Variants in PARVB observed in about 807,000 individuals in gnomAD.
PARVB encodes parvin beta, also known as beta-parvin.
Under a neutral mutation model 47.0 loss-of-function variants are expected in PARVB, and 46 were observed. The ratio of observed to expected loss-of-function variants is 0.98; its 90% CI spans 0.77 to 1.25. PARVB has a LOEUF of 1.25. PARVB is among the 50% of genes most tolerant of loss of function. PARVB has a pLI of 0.00. For missense variants in PARVB, 473 were observed against 471.6 expected, an observed-to-expected ratio of 1.00 and a Z score of -0.03; for synonymous variants, 196 against 196.3, an observed-to-expected ratio of 1.00 and a Z score of 0.01.
chr22:44,074,359 CT>C (rs1311255086), intron 1 of PARVB, among the ~76,000 whole-genome samples: 1 of 152,240 alleles, frequency 6.6e-6, no homozygotes, highest in Non-Finnish European at 1.5e-5. Flanking sequence ...CTAGTGGCGC[CT>C]CCTGGCAGCA....
chr22:44,128,688 C>T (rs1417809749), intron 4 of PARVB, among the ~76,000 whole-genome samples: 3 of 152,230 alleles, frequency 2.0e-5, no homozygotes, highest in African/African-American at 7.2e-5. Flanking sequence ...ATGAGAGCCT[C>T]GCCCACTAGG....
At chr22:44,163,435 G>A (rs971882204) in intron 11 of PARVB, among the ~76,000 whole-genome samples, 6 of 152,176 alleles carry the variant, frequency 3.9e-5, no homozygotes, top group African/African-American at 9.7e-5. Flanking sequence ...CTGAGATCTC[G>A]CCACTGTGCA....
intron 2 of PARVB, among the ~76,000 whole-genome samples, chr22:43,999,849 A>AAC (rs1569041517): frequency 2.6e-4 from 38 of 145,870 alleles, no homozygotes; most frequent in South Asian, 2.3e-3. Flanking sequence ...AAAAAAAAAA[A>AAC]AAAAAAAAAC....
chr22:44,055,852 T>C (rs1285325142), intron 1 of PARVB, among the ~76,000 whole-genome samples: 1 of 152,138 alleles, frequency 6.6e-6, no homozygotes, highest in African/African-American at 2.4e-5. Flanking sequence ...TGCCTTTCGG[T>C]CTATTCAGGT....
Position 44,136,321 on chromosome 22 carries a change from C to T in PARVB, c.634-139C>T, listed in dbSNP as rs2053439850. 25 of 757,454 alleles carry T rather than the reference C, an allele frequency of 3.3e-5. 1 individual carries two copies. Among genetic ancestry groups the T allele is most frequent in the South Asian group, 3.3e-4 (21 of 63,876 alleles). The allele number at this position is 757,454 out of a possible 1,614,324, so 46.9% of individuals were successfully genotyped here. A position where few individuals can be genotyped will look rare whatever the true frequency, so the allele number is the denominator to read the frequency against. On this transcript the variant is annotated intron_variant, in intron 6 of 12. Transcript: ENST00000338758. ...TGTGTACTCACCCAGGCCTGGCATG[C>T]GTGTTCAACACCACCCCTCCTTCTC...
chr22:44,109,100 T>G (rs2147091792), intron 3 of PARVB: 1 of 152,298 alleles, frequency 6.6e-6, no homozygotes, highest in South Asian at 2.1e-4. Flanking sequence ...CCTTTGTCTC[T>G]CCGAAGAAAA....
chr22:44,083,441 C>CA (rs1263395318), intron 1 of PARVB, among the ~76,000 whole-genome samples: 1 of 152,140 alleles, frequency 6.6e-6, no homozygotes, highest in Non-Finnish European at 1.5e-5. Context: ...GAGATGAGCA[C>CA]AGTCCACAAT....
At chr22:44,106,742 T>C (rs1240376308) in intron 3 of PARVB, 1 of 152,030 alleles carries the variant, frequency 6.6e-6, no homozygotes, top group African/African-American at 2.4e-5. Context: ...ACACCCCCTC[T>C]GACCTCTGCT....
chr22:44,163,335 G>A (rs1013131798), intron 11 of PARVB, among the ~76,000 whole-genome samples: 12 of 152,092 alleles, frequency 7.9e-5, no homozygotes, highest in Admixed American at 2.0e-4. Flanking sequence ...AAAATTAGCC[G>A]GGCACAGTGA....
intron 11 of PARVB, 99 bp downstream of exon 11, chr22:44,158,182 ATTCTTC>A: frequency 2.6e-6 from 2 of 766,984 alleles, no homozygotes; most frequent in Non-Finnish European, 4.4e-6. Context: ...GCCTGGCTGC[ATTCTTC>A]AGAAAGTAAA....
chr22:44,110,533 T>C (rs2052673041), intron 3 of PARVB: 1 of 152,186 alleles, frequency 6.6e-6, no homozygotes. Flanking sequence ...GTTTTGTTCA[T>C]CTTTTTCAGA....
At position 44,042,703 on chromosome 22, in the gene PARVB, A is replaced by G. The variant is rs539263526; in HGVS notation, c.112+18252A>G. Among the ~76,000 whole-genome samples the G allele has an allele frequency of 2.4e-3, 359 of 152,318 alleles. 2 individuals carry two copies. The highest frequency in any genetic ancestry group is 8.3e-3 in the African/African-American group (343 of 41,560). On this transcript the variant is annotated intron_variant, in intron 1 of 12. Transcript: ENST00000338758. Reference sequence around the variant, plus strand: ...TTGGAGCAGCGCAGGGAGAATTTCAATCTTAACTGTGTGTGCAGCTGGGCA... The same window carrying G: ...TTGGAGCAGCGCAGGGAGAATTTCAGTCTTAACTGTGTGTGCAGCTGGGCA...
upstream of PARVB, chr22:44,024,291 C>T: frequency 1.6e-5 from 16 of 974,950 alleles, no homozygotes; most frequent in Non-Finnish European, 1.9e-5. Context: ...CCGGGGCGAC[C>T]GGGCGGCTCC....
chr22:44,031,585 G>A (rs780056118), intron 1 of PARVB: 4 of 151,764 alleles, frequency 2.6e-5, no homozygotes, highest in Non-Finnish European at 5.9e-5. Context: ...GGTTCTCGGT[G>A]GTTCTCCTAG....
At chr22:44,016,476 A>G (rs1273749597) in intron 2 of PARVB, among the ~76,000 whole-genome samples, 1 of 152,100 alleles carries the variant, frequency 6.6e-6, no homozygotes, top group East Asian at 1.9e-4. Flanking sequence ...TGTGGCTGTG[A>G]GACAATGAAT....
Position 44,170,072 on chromosome 22 carries a change from C to G in PARVB, c.*1394C>G, listed in dbSNP as rs1381991454. Reference sequence around the variant, plus strand: ...CAGGAGTAAAGTGGTGCCATCTCAGCTCACTGCAGCCTTGATCTCCCAGGC... The same window carrying G: ...CAGGAGTAAAGTGGTGCCATCTCAGGTCACTGCAGCCTTGATCTCCCAGGC... On this transcript the variant is annotated 3_prime_UTR_variant, in exon 13 of 13. Coordinates refer to ENST00000338758, the MANE Select transcript of PARVB (RefSeq NM_013327.5). 1 of 140,224 alleles carries G rather than the reference C, an allele frequency of 7.1e-6. No individual in the cohort carries two copies. The highest frequency in any genetic ancestry group is 1.9e-4 in the East Asian group (1 of 5,136). The allele number at this position is 140,224 out of a possible 1,614,324, so 8.7% of individuals were successfully genotyped here.
intron 3 of PARVB, among the ~76,000 whole-genome samples, chr22:44,101,113 T>A (rs2052433091): frequency 6.6e-6 from 1 of 152,200 alleles, no homozygotes; most frequent in African/African-American, 2.4e-5. Context: ...TATGTTCTTT[T>A]AAAATCTACA....
chr22:44,010,160 AGAG>A (rs2050508003), intron 2 of PARVB, among the ~76,000 whole-genome samples: 1 of 152,212 alleles, frequency 6.6e-6, no homozygotes, highest in South Asian at 2.1e-4. Flanking sequence ...TAAGCTCCGC[AGAG>A]GAGGTCTTGT....
chr22:44,056,932 CTGAGCTGGGGGTGGAGCT>C (rs2051323284), intron 1 of PARVB, among the ~76,000 whole-genome samples: 2 of 71,606 alleles, frequency 2.8e-5, no homozygotes, highest in African/African-American at 1.1e-4. Flanking sequence ...GAGCTGGGGG[CTGAGCTGGGGGTGGAGCT>C]GGGGGCTGAG....
Sources: allele counts gnomAD v4.1 joint callset (sites outside exome capture counted in the v4.1 genomes callset), GRCh38; gene constraint gnomAD v4.1.1; transcripts MANE v1.5; gene names NCBI Gene and HGNC (gene_info 2026-07-23, HGNC 2026-07-21).